PYGO1: variants seen among roughly 807,000 people sequenced by gnomAD.
The protein encoded by PYGO1 is pygopus homolog 1.
A neutral mutation model predicts 29.5 loss-of-function variants in PYGO1; 6 were observed. The observed-to-expected ratio is 0.20, with a 90% CI of 0.11 to 0.40. The LOEUF is 0.40. Ranked by LOEUF, PYGO1 falls within the 10% of genes least tolerant of loss-of-function variation. The pLI is 1.00. For synonymous variants in PYGO1, 186 were observed against 180.5 expected (o/e 1.03, Z -0.24); for missense variants, 515 against 514.9 (o/e 1.00, Z 0.00).
Position 55,546,451 on chromosome 15 carries a change from G to T in PYGO1, c.832C>A (p.Arg278=), listed in dbSNP as rs2058851162. 6.2e-7 allele frequency: 1 copy of T among 1,614,058 alleles called. No individual in the cohort carries two copies. The highest frequency in any genetic ancestry group is 8.5e-7 in the Non-Finnish European group (1 of 1,180,012). The change falls in exon 3 of 3, where the codon CGA becomes AGA. Residue 278 remains arginine (R), a synonymous_variant. Transcript: ENST00000563719. ...QSNIELKNVN[R]NNAVNQENSR... Reference sequence around the variant, plus strand: ...TTCTCCTGATTTACTGCATTGTTTCGATTAACATTTTTTAATTCAATATTA... The same window carrying T: ...TTCTCCTGATTTACTGCATTGTTTCTATTAACATTTTTTAATTCAATATTA...
chr15:55,544,803 G>T lies in PYGO1; in HGVS notation c.*1220C>A, dbSNP rs530040237. The T allele has an allele frequency of 6.6e-6, 1 of 151,676 alleles. No homozygotes were observed. The highest frequency in any genetic ancestry group is 2.4e-5 in the African/African-American group (1 of 41,332). The allele number at this position is 151,676 out of a possible 1,614,324, so 9.4% of individuals were successfully genotyped here. On this transcript the variant is annotated 3_prime_UTR_variant, in exon 3 of 3. Coordinates refer to ENST00000563719, the MANE Select transcript of PYGO1 (RefSeq NM_001367806.1). ...CACACATTTTTTTTTTTTGGCCACAGGTTATAATCTGCTCCAAAAATGGAT... is the reference window on the plus strand; with the variant it reads ...CACACATTTTTTTTTTTTGGCCACATGTTATAATCTGCTCCAAAAATGGAT...
At chr15:55,579,384 C>G (rs1465043565) in intron 1 of PYGO1, among the ~76,000 whole-genome samples, 1 of 152,090 alleles carries the variant, frequency 6.6e-6, no homozygotes, top group African/African-American at 2.4e-5. Flanking sequence ...GTCCTATCTT[C>G]CCTAACATGT....
intron 1 of PYGO1, among the ~76,000 whole-genome samples, chr15:55,586,072 G>T (rs895659659): frequency 6.6e-6 from 1 of 152,168 alleles, no homozygotes; most frequent in South Asian, 2.1e-4. Context: ...CTTTTGGATT[G>T]TGTGTCACAA....
At chr15:55,566,764 T>A (rs2058958594) in intron 1 of PYGO1, among the ~76,000 whole-genome samples, 1 of 152,174 alleles carries the variant, frequency 6.6e-6, no homozygotes, top group Non-Finnish European at 1.5e-5. Flanking sequence ...AAGGTCTCAC[T>A]CTATTGCCCA....
chr15:55,562,662 C>T (rs2141660415), intron 1 of PYGO1, among the ~76,000 whole-genome samples: 1 of 72,224 alleles, frequency 1.4e-5, no homozygotes, highest in African/African-American at 5.0e-5. Flanking sequence ...CAGAGCAAGA[C>T]TCCAACTCAA....
intron 1 of PYGO1, among the ~76,000 whole-genome samples, chr15:55,580,688 T>G (rs555908181): frequency 2.6e-5 from 4 of 152,338 alleles, no homozygotes; most frequent in African/African-American, 9.6e-5. Context: ...GGCTCACAGT[T>G]ACAATGCTGT....
chr15:55,558,949 A>G (rs1180519023), intron 1 of PYGO1, among the ~76,000 whole-genome samples: 1 of 152,000 alleles, frequency 6.6e-6, no homozygotes, highest in Non-Finnish European at 1.5e-5. Flanking sequence ...CTAAAACACC[A>G]AAAGCAATGG....
At chr15:55,565,777 C>T (rs2058953733) in intron 1 of PYGO1, among the ~76,000 whole-genome samples, 1 of 151,972 alleles carries the variant, frequency 6.6e-6, no homozygotes, top group Admixed American at 6.6e-5. Context: ...CATGTATGTC[C>T]TTTGCCATTT....
At chr15:55,571,410 ATATGG>A (rs1439152939) in intron 1 of PYGO1, among the ~76,000 whole-genome samples, 1 of 152,150 alleles carries the variant, frequency 6.6e-6, no homozygotes, top group Non-Finnish European at 1.5e-5. Flanking sequence ...TTATCCTATG[ATATGG>A]TATGGCTGTG....
chr15:55,544,389 G>T lies in PYGO1; in HGVS notation c.*1634C>A, dbSNP rs960700082. ...GGGAATGCATTGTTTCTTAGAAAAA[G>T]CTCCAAATGATAGACAGTAGTCCAT... is the stretch of plus-strand genomic sequence containing the variant. On this transcript the variant is annotated 3_prime_UTR_variant, in exon 3 of 3. Coordinates refer to ENST00000563719, the MANE Select transcript of PYGO1 (RefSeq NM_001367806.1). 1 of 151,998 alleles carries T rather than the reference G, an allele frequency of 6.6e-6. No homozygotes were observed. Among genetic ancestry groups the T allele is most frequent in the Non-Finnish European group, 1.5e-5 (1 of 67,994 alleles). The allele number at this position is 151,998 out of a possible 1,614,324, so 9.4% of individuals were successfully genotyped here.
At chr15:55,550,660 T>C (rs1165513855) in intron 1 of PYGO1, among the ~76,000 whole-genome samples, 3 of 152,242 alleles carry the variant, frequency 2.0e-5, no homozygotes, top group African/African-American at 7.2e-5. Context: ...CTGTCCATGC[T>C]ACCTCACTTT....
chr15:55,553,206 G>A (rs1567051978), intron 1 of PYGO1, among the ~76,000 whole-genome samples: 1 of 152,052 alleles, frequency 6.6e-6, no homozygotes, highest in Non-Finnish European at 1.5e-5. Context: ...GAATTTCCAA[G>A]CAGGGTTATA....
chr15:55,573,063 T>C (rs2058986698), intron 1 of PYGO1, among the ~76,000 whole-genome samples: 1 of 150,844 alleles, frequency 6.6e-6, no homozygotes, highest in South Asian at 2.1e-4. Flanking sequence ...TCCCAGCACT[T>C]TGGGAGGCTG....
chr15:55,588,836 G>T (rs749163962), upstream of PYGO1: 2 of 1,614,062 alleles, frequency 1.2e-6, no homozygotes, highest in Admixed American at 3.3e-5. Context: ...GGGAGCTGGA[G>T]AGTTCTCGGC....
At chr15:55,583,822 A>T (rs1468696647) in intron 1 of PYGO1, among the ~76,000 whole-genome samples, 2 of 152,146 alleles carry the variant, frequency 1.3e-5, no homozygotes, top group East Asian at 3.9e-4. Context: ...GTTAATGTTC[A>T]ACACTTTGAA....
rs781672918 is a variant in PYGO1, at chr15:55,546,991, A to T, written c.292T>A (p.Phe98Ile). ...ATTCTGAATGTACTATAGCCTCCAA[A>T]GCCAGGATAACCAGGGCCAAGATAT... ...NPYLGPGYPGFGGYSTFRMPP... is the reference protein window; with the variant it reads ...NPYLGPGYPGIGGYSTFRMPP... The change falls in exon 3 of 3, where the codon TTT (phenylalanine) becomes ATT (isoleucine). Residue 98 changes from phenylalanine (F) to isoleucine (I), a missense_variant. Coordinates refer to ENST00000563719, the MANE Select transcript of PYGO1 (RefSeq NM_001367806.1). 2 of 1,613,958 alleles carry T rather than the reference A, an allele frequency of 1.2e-6. No individual in the cohort carries two copies. The highest frequency in any genetic ancestry group is 1.7e-6 in the Non-Finnish European group (2 of 1,179,990).
chr15:55,576,933 A>C (rs1278834015), intron 1 of PYGO1, among the ~76,000 whole-genome samples: 1 of 151,908 alleles, frequency 6.6e-6, no homozygotes, highest in African/African-American at 2.4e-5. Flanking sequence ...GCCAAGGGAA[A>C]GGTCAAGCTG....
At chr15:55,565,306 G>A (rs1181389913) in intron 1 of PYGO1, among the ~76,000 whole-genome samples, 1 of 151,754 alleles carries the variant, frequency 6.6e-6, no homozygotes, top group East Asian at 1.9e-4. Context: ...CAAAGCCTAG[G>A]CCCACTGATT....
chr15:55,542,377 G>A lies in PYGO1; in HGVS notation c.*3646C>T, dbSNP rs981750609. 3.3e-5 allele frequency: 5 copies of A among 152,260 alleles called. No individual in the cohort carries two copies. Among genetic ancestry groups the A allele is most frequent in the Admixed American group, 6.5e-5 (1 of 15,302 alleles). 9.4% of individuals were successfully genotyped at this position (152,260 alleles called of 1,614,324 possible). A position where few individuals can be genotyped will look rare whatever the true frequency, so the allele number is the denominator to read the frequency against. On this transcript the variant is annotated 3_prime_UTR_variant, in exon 3 of 3. Transcript: ENST00000563719. ...CTGTGTTTATGAAGAATAAGCACTA[G>A]TACAAGAAAATCTTTAGTTTTATGT...
Sources: gnomAD v4.1 joint callset for allele counts (sites outside exome capture counted in the v4.1 genomes callset) on GRCh38, gnomAD v4.1.1 for gene constraint, MANE v1.5 for transcripts, NCBI Gene and HGNC (gene_info 2026-07-23, HGNC 2026-07-21) for gene names.